Variants in CRACD observed in about 807,000 individuals in gnomAD.
The protein encoded by CRACD is capping protein-inhibiting regulator of actin dynamics.
In CRACD, 56 loss-of-function variants were observed where a neutral mutation model predicts 106.8. The observed-to-expected ratio is 0.52, with a 90% CI of 0.42 to 0.66. The LOEUF is 0.66. Ranked by LOEUF, CRACD falls within the 30% of genes least tolerant of loss-of-function variation. The probability of loss-of-function intolerance (pLI) is 0.00; values close to 1 mark genes in which losing one functional copy is unlikely to be tolerated. For missense variants in CRACD, 1,730 were observed against 1,623.2 expected (o/e 1.07, Z -1.13); for synonymous variants, 754 against 670.8 (o/e 1.12, Z -1.92).
At chr4:56,084,371 C>T (rs1733142283) in intron 1 of CRACD, among the ~76,000 whole-genome samples, 1 of 151,936 alleles carries the variant, frequency 6.6e-6, no homozygotes, top group South Asian at 2.1e-4. Context: ...GGAAGGAACA[C>T]TCAATAAAGA....
chr4:56,264,197 A>C (rs1263258044), intron 2 of CRACD, among the ~76,000 whole-genome samples: 3 of 152,262 alleles, frequency 2.0e-5, no homozygotes, highest in African/African-American at 7.2e-5. Flanking sequence ...ATCTGCCCTC[A>C]TGATTCAGTC....
At chr4:56,083,460 G>T (rs1428438884) in intron 1 of CRACD, among the ~76,000 whole-genome samples, 1 of 151,988 alleles carries the variant, frequency 6.6e-6, no homozygotes, top group Admixed American at 6.6e-5. Flanking sequence ...GAGAATAAAC[G>T]CAGAAACAAA....
chr4:56,327,779 G>A lies in CRACD; in HGVS notation c.3677G>A (p.Ser1226Asn). The change falls in exon 11 of 11, where the codon AGC becomes AAC. Residue 1226 changes from serine to asparagine, a missense_variant. Physicochemically the swap from Ser to Asn is conservative, Grantham distance 46. Around this residue, in one of 5 missense-constraint regions of CRACD, gnomAD observed 15 missense variants for 16.1 expected, o/e 0.93. Transcript: ENST00000682029. ...ALAKRKAKAW[S>N]DCPQIIK ...GCCAAAAGGAAAGCAAAGGCTTGGA[G>A]CGACTGTCCACAGATTATTAAGTAA... 2 of 1,614,190 alleles carry A rather than the reference G, an allele frequency of 1.2e-6. No individual in the cohort carries two copies. The highest frequency in any genetic ancestry group is 1.7e-6 in the Non-Finnish European group (2 of 1,180,024).
chr4:56,268,736 T>C (rs1015417586), intron 2 of CRACD, among the ~76,000 whole-genome samples: 1 of 152,224 alleles, frequency 6.6e-6, no homozygotes, highest in Non-Finnish European at 1.5e-5. Flanking sequence ...TAATGATACC[T>C]GTGGTGCCTT....
At chr4:56,177,201 TG>T (rs1190144727) in intron 1 of CRACD, among the ~76,000 whole-genome samples, 1 of 152,220 alleles carries the variant, frequency 6.6e-6, no homozygotes, top group Non-Finnish European at 1.5e-5. Context: ...GGTTTGGTTT[TG>T]TCATACACGG....
At position 56,299,668 on chromosome 4, in the gene CRACD, C is replaced by CA. The variant is rs745452206; in HGVS notation, c.120+1335dup. Among the ~76,000 whole-genome samples the CA allele has an allele frequency of 6.9e-3, 895 of 130,362 alleles. 8 individuals are homozygous for CA. The highest frequency in any genetic ancestry group is 0.013 in the African/African-American group (479 of 35,542). 85.5% of individuals were successfully genotyped at this position (130,362 alleles called of 152,430 possible). A position where few individuals can be genotyped will look rare whatever the true frequency, so the allele number is the denominator to read the frequency against. On this transcript the variant is annotated intron_variant, in intron 4 of 10. Coordinates refer to ENST00000682029, the MANE Select transcript of CRACD (RefSeq NM_001393381.1). ...CTGGGTGATAGAGTGAGAGCTTGTC[C>CA]AAAAAAAAAAAAAAAATTCGCTTAC...
intron 2 of CRACD, among the ~76,000 whole-genome samples, chr4:56,212,331 C>G (rs1189381904): frequency 6.6e-6 from 1 of 152,200 alleles, no homozygotes; most frequent in Non-Finnish European, 1.5e-5. Context: ...CTGGAAAACA[C>G]ATGAATAATG....
intron 2 of CRACD, among the ~76,000 whole-genome samples, chr4:56,228,607 C>CAA (rs35810086): frequency 6.9e-5 from 7 of 101,516 alleles, no homozygotes; most frequent in Non-Finnish European, 1.2e-4. Context: ...CCATCTCTAC[C>CAA]AAAAAAAAAA....
intron 2 of CRACD, among the ~76,000 whole-genome samples, chr4:56,219,883 T>C (rs1177564777): frequency 6.6e-6 from 1 of 152,194 alleles, no homozygotes; most frequent in Non-Finnish European, 1.5e-5. Context: ...TAAAAGGTGT[T>C]GGGTAAGATA....
intron 1 of CRACD, among the ~76,000 whole-genome samples, chr4:56,148,846 G>A (rs578128223): frequency 6.8e-5 from 10 of 147,574 alleles, no homozygotes; most frequent in African/African-American, 2.3e-4. Flanking sequence ...GAGGAGTTTC[G>A]CTCTTGTTGC....
chr4:56,170,566 C>T (rs763642563), intron 1 of CRACD, among the ~76,000 whole-genome samples: 61 of 152,062 alleles, frequency 4.0e-4, no homozygotes, highest in Non-Finnish European at 7.1e-4. Context: ...ATAGACTGGG[C>T]GCAGTGGTTT....
intron 2 of CRACD, among the ~76,000 whole-genome samples, chr4:56,212,988 G>A (rs765091001): frequency 1.3e-5 from 2 of 148,666 alleles, no homozygotes; most frequent in Non-Finnish European, 3.0e-5. Context: ...TGGAATCCAA[G>A]AGAGAGCTTA....
At chr4:56,293,203 T>G (rs553043456) in intron 3 of CRACD, among the ~76,000 whole-genome samples, 1 of 152,170 alleles carries the variant, frequency 6.6e-6, no homozygotes, top group Non-Finnish European at 1.5e-5. Context: ...AGAATAAAAG[T>G]TATGTGGCTT....
chr4:56,246,052 G>A lies in CRACD; in HGVS notation c.-188-26269G>A, dbSNP rs113778881. 2.4e-3 allele frequency among the ~76,000 whole-genome samples: 362 copies of A among 152,274 alleles called. 2 individuals are homozygous for A. The highest frequency in any genetic ancestry group is 0.014 in the Middle Eastern group (4 of 294). The stretch of plus-strand genomic sequence containing the variant: ...GGAGGAGGATGGGCAGGAGGCATTG[G>A]CCACAGCCTGAAGGGTACCTAAGGC... On this transcript the variant is annotated intron_variant, in intron 2 of 10. Coordinates refer to ENST00000682029, the MANE Select transcript of CRACD (RefSeq NM_001393381.1).
Position 56,315,367 on chromosome 4 carries a change from T to A in CRACD, c.1865T>A (p.Leu622Gln), listed in dbSNP as rs749119312. The A allele has an allele frequency of 2.5e-6, 4 of 1,613,430 alleles. No homozygotes were observed. The highest frequency in any genetic ancestry group is 2.2e-5 in the South Asian group (2 of 91,062). ...QIKDTACKSL[L>Q]GLEEKKHAEA... Reference sequence around the variant, plus strand: ...AAGGACACCGCGTGCAAGTCCCTCCTGGGCTTGGAGGAGAAGAAGCACGCG... The same window carrying A: ...AAGGACACCGCGTGCAAGTCCCTCCAGGGCTTGGAGGAGAAGAAGCACGCG... Residue 622 changes from leucine (L) to glutamine (Q), a missense_variant, in exon 8 of 11, where the codon CTG (leucine) becomes CAG (glutamine). Leu to Gln is a moderately radical substitution (Grantham distance 113, BLOSUM62 -2). Coordinates refer to ENST00000682029, the MANE Select transcript of CRACD (RefSeq NM_001393381.1). This position sits in a 1 kb window ranked among gnomAD's most constrained non-coding sequence, Gnocchi z 4.1.
chr4:56,136,768 T>C (rs1735014294), intron 1 of CRACD, among the ~76,000 whole-genome samples: 1 of 152,208 alleles, frequency 6.6e-6, no homozygotes, highest in Non-Finnish European at 1.5e-5. Context: ...TGAAGTCTAC[T>C]GTATTGATTG....
intron 2 of CRACD, among the ~76,000 whole-genome samples, chr4:56,181,572 A>C (rs956365585): frequency 6.6e-6 from 1 of 152,252 alleles, no homozygotes; most frequent in African/African-American, 2.4e-5. Flanking sequence ...AGAGCTTAAA[A>C]CAACAGAAGT....
intron 6 of CRACD, among the ~76,000 whole-genome samples, chr4:56,312,095 A>G (rs1560531992): frequency 6.6e-6 from 1 of 151,832 alleles, no homozygotes; most frequent in Non-Finnish European, 1.5e-5. Context: ...TTTTCTCATC[A>G]GGTCCCTCTT....
At chr4:56,320,632 G>A (rs1577915100) in intron 8 of CRACD, 1 of 152,354 alleles carries the variant, frequency 6.6e-6, no homozygotes, top group East Asian at 1.9e-4. Context: ...GAAAAGTTGA[G>A]TGACTTGCCT....
Sources: allele counts gnomAD v4.1 joint callset (sites outside exome capture counted in the v4.1 genomes callset), GRCh38; gene constraint gnomAD v4.1.1; regional missense constraint gnomAD v4.1.1; non-coding constraint Gnocchi (gnomAD v3.1); transcripts MANE v1.5; gene names NCBI Gene and HGNC (gene_info 2026-07-23, HGNC 2026-07-21).